ENOX1: variants seen among roughly 807,000 people sequenced by gnomAD.
The protein encoded by ENOX1 is candidate growth-related and time keeping constitutive hydroquinone (NADH) oxidase.
A neutral mutation model predicts 82.5 loss-of-function variants in ENOX1; 42 were observed. The ratio of observed to expected loss-of-function variants is 0.51; its 90% CI spans 0.40 to 0.66. The LOEUF is 0.66. Ranked by LOEUF, ENOX1 falls within the 30% of genes least tolerant of loss-of-function variation. The probability of loss-of-function intolerance (pLI) is 0.00; values close to 1 mark genes in which losing one functional copy is unlikely to be tolerated. For missense variants in ENOX1, 608 were observed against 811.6 expected (o/e 0.75, Z 3.05); for synonymous variants, 271 against 282.2 (o/e 0.96, Z 0.40).
chr13:43,283,478 T>A (rs766721297), intron 12 of ENOX1, among the ~76,000 whole-genome samples: 1 of 152,152 alleles, frequency 6.6e-6, no homozygotes, highest in Non-Finnish European at 1.5e-5. Flanking sequence ...GATCTCACTC[T>A]GTTACCCAGG....
intron 11 of ENOX1, among the ~76,000 whole-genome samples, chr13:43,308,535 G>A (rs1029720533): frequency 1.3e-5 from 2 of 152,194 alleles, no homozygotes; most frequent in Middle Eastern, 3.4e-3. Flanking sequence ...AATTTTTCAG[G>A]TAGCAATATT....
At chr13:43,512,576 A>G (rs1399104514) in intron 2 of ENOX1, among the ~76,000 whole-genome samples, 4 of 151,826 alleles carry the variant, frequency 2.6e-5, no homozygotes, top group African/African-American at 9.7e-5. Flanking sequence ...ATTAAATGTT[A>G]GAAGTACATT....
At chr13:43,671,356 T>C (rs1346002944) in intron 1 of ENOX1, among the ~76,000 whole-genome samples, 1 of 152,160 alleles carries the variant, frequency 6.6e-6, no homozygotes, top group Non-Finnish European at 1.5e-5. Flanking sequence ...GTAACTCAAC[T>C]CTCAGAACTA....
chr13:43,554,336 C>G (rs2079340533), intron 2 of ENOX1, among the ~76,000 whole-genome samples: 1 of 152,168 alleles, frequency 6.6e-6, no homozygotes, highest in Non-Finnish European at 1.5e-5. Context: ...CTATTTCTGC[C>G]TACAGTTACC....
chr13:43,402,652 A>G (rs776934837), intron 5 of ENOX1, among the ~76,000 whole-genome samples: 1 of 152,214 alleles, frequency 6.6e-6, no homozygotes, highest in African/African-American at 2.4e-5. Flanking sequence ...AAAGGAAATA[A>G]AAGCAAACAG....
intron 1 of ENOX1, among the ~76,000 whole-genome samples, chr13:43,684,811 T>C (rs1382015904): frequency 6.6e-6 from 1 of 152,164 alleles, no homozygotes. Flanking sequence ...ACAGCGAAAG[T>C]TGTGTCTCTT....
intron 11 of ENOX1, among the ~76,000 whole-genome samples, chr13:43,301,318 A>C (rs2046563421): frequency 6.6e-6 from 1 of 152,250 alleles, no homozygotes; most frequent in African/African-American, 2.4e-5. Flanking sequence ...CTGTATAGCA[A>C]AATGCAAGCA....
chr13:43,509,921 A>G (rs927706226), intron 2 of ENOX1, among the ~76,000 whole-genome samples: 1 of 151,908 alleles, frequency 6.6e-6, no homozygotes, highest in Non-Finnish European at 1.5e-5. Context: ...AAGTTTCCAG[A>G]CCTATGTTCT....
At chr13:43,700,559 G>C (rs1350542892) in intron 1 of ENOX1, among the ~76,000 whole-genome samples, 1 of 152,126 alleles carries the variant, frequency 6.6e-6, no homozygotes. Context: ...AGCTTCCCCA[G>C]ATGGTAACAT....
chr13:43,556,421 G>A (rs1566519687), intron 2 of ENOX1, among the ~76,000 whole-genome samples: 1 of 152,112 alleles, frequency 6.6e-6, no homozygotes, highest in Admixed American at 6.6e-5. Flanking sequence ...CTTTTGCTTT[G>A]CAGTCATACT....
intron 14 of ENOX1, among the ~76,000 whole-genome samples, chr13:43,251,615 G>C (rs929994549): frequency 5.3e-5 from 8 of 152,136 alleles, no homozygotes; most frequent in Non-Finnish European, 1.2e-4. Flanking sequence ...CTTAGGGTAA[G>C]GACCTAAGAA....
At chr13:43,412,420 T>C (rs957128192) in intron 4 of ENOX1, among the ~76,000 whole-genome samples, 1 of 152,164 alleles carries the variant, frequency 6.6e-6, no homozygotes, top group African/African-American at 2.4e-5. Flanking sequence ...GGCTTACTGT[T>C]TCTAGGTGTA....
intron 1 of ENOX1, among the ~76,000 whole-genome samples, chr13:43,713,059 T>C (rs2087846521): frequency 1.3e-5 from 2 of 152,302 alleles, no homozygotes; most frequent in African/African-American, 2.4e-5. Flanking sequence ...TTGTCATAGA[T>C]AGCTCTTATT....
intron 3 of ENOX1, among the ~76,000 whole-genome samples, chr13:43,418,218 A>G (rs1358169005): frequency 6.6e-6 from 1 of 150,496 alleles, no homozygotes; most frequent in Non-Finnish European, 1.5e-5. Context: ...AAAAAAGTAA[A>G]TACATAAAAT....
At chr13:43,450,894 A>T (rs1265902440) in intron 3 of ENOX1, among the ~76,000 whole-genome samples, 1 of 152,186 alleles carries the variant, frequency 6.6e-6, no homozygotes, top group African/African-American at 2.4e-5. Flanking sequence ...GAAAATTTTT[A>T]AAAACAACAA....
chr13:43,536,258 A>G (rs996343091), intron 2 of ENOX1, among the ~76,000 whole-genome samples: 3 of 152,248 alleles, frequency 2.0e-5, no homozygotes, highest in Non-Finnish European at 4.4e-5. Context: ...GTCCCAAACA[A>G]GCCAATTAGT....
At chr13:43,510,743 C>T (rs1231157564) in intron 2 of ENOX1, among the ~76,000 whole-genome samples, 1 of 152,072 alleles carries the variant, frequency 6.6e-6, no homozygotes, top group Non-Finnish European at 1.5e-5. Context: ...GCTATATGAT[C>T]TTGAGAAAGT....
chr13:43,576,623 CAT>C (rs1470583272), intron 2 of ENOX1, among the ~76,000 whole-genome samples: 2 of 152,078 alleles, frequency 1.3e-5, no homozygotes, highest in Non-Finnish European at 2.9e-5. Context: ...GATTTTAGCC[CAT>C]GAGACCAATT....
chr13:43,361,800 C>T (rs957634026), intron 5 of ENOX1, among the ~76,000 whole-genome samples: 2 of 152,016 alleles, frequency 1.3e-5, no homozygotes, highest in Non-Finnish European at 2.9e-5. Context: ...CACCTTATGA[C>T]CCAGAATATG....
Sources: allele counts gnomAD v4.1 joint callset (sites outside exome capture counted in the v4.1 genomes callset), GRCh38; gene constraint gnomAD v4.1.1; transcripts MANE v1.5; gene names NCBI Gene and HGNC (gene_info 2026-07-23, HGNC 2026-07-21).